The following ZNF729 variants were observed in gnomAD, a reference collection of about 807,000 sequenced individuals.
ZNF729 encodes the protein zinc finger protein 729.
Under a neutral mutation model 12.2 loss-of-function variants are expected in ZNF729, and 15 were observed. That is an observed-to-expected ratio of 1.23 (90% CI 0.82 to 1.89). The LOEUF (loss-of-function observed/expected upper bound fraction) is 1.89, where lower values mean the gene tolerates loss of function less well. Ranked by LOEUF, ZNF729 falls within the 40% of genes most tolerant of loss-of-function variation. The pLI, the probability that ZNF729 is intolerant of heterozygous loss-of-function variation, is 0.00. For synonymous variants in ZNF729, 492 were observed against 476.3 expected (o/e 1.03, Z -0.43); for missense variants, 1,540 against 1,456.7 (o/e 1.06, Z -0.93).
At chr19:22,286,608 G>A (rs974716573) in intron 1 of ZNF729, 53 bp downstream of exon 1, 9 of 1,610,860 alleles carry the variant, frequency 5.6e-6, no homozygotes, top group African/African-American at 1.3e-5. Flanking sequence ...GATTGGAACC[G>A]GTGGGAAGTG....
Position 22,315,592 on chromosome 19 carries a change from A to G in ZNF729, c.2175A>G (p.Ser725=), listed in dbSNP as rs201598539. Residue 725 remains serine (S), a synonymous_variant, in exon 4 of 4, where the codon TCA becomes TCG. Coordinates refer to ENST00000601693, the MANE Select transcript of ZNF729 (RefSeq NM_001242680.2). ...EECGKAFKWS[S]KLTVHKVIHT... ...GTGGTAAAGCTTTTAAGTGGTCATC[A>G]AAACTTACTGTACATAAGGTAATTC... 11,637 of 1,609,762 alleles carry G rather than the reference A, an allele frequency of 7.2e-3. 60 individuals carry two copies. Among genetic ancestry groups the G allele is most frequent in the Non-Finnish European group, 8.8e-3 (10,418 of 1,179,304 alleles).
At chr19:22,289,756 T>C (rs1194803773) in intron 1 of ZNF729, among the ~76,000 whole-genome samples, 3 of 152,206 alleles carry the variant, frequency 2.0e-5, no homozygotes, top group Non-Finnish European at 2.9e-5. Context: ...TCAGTTCCTC[T>C]TTTTGCAGGG....
At chr19:22,300,254 G>A (rs964428607) in intron 1 of ZNF729, among the ~76,000 whole-genome samples, 13 of 152,222 alleles carry the variant, frequency 8.5e-5, no homozygotes, top group African/African-American at 3.1e-4. Flanking sequence ...GATGAACTGT[G>A]TATGACATGG....
In ZNF729 at chr19:22,315,273, A is replaced by G. The variant is rs116023371; in HGVS notation, c.1856A>G (p.Lys619Arg). 6,083 of 1,613,058 alleles carry G rather than the reference A, an allele frequency of 3.8e-3. 200 individuals carry two copies. In the African/African-American group the frequency reaches 0.071, roughly 19 times the overall value. ...AATTCCTCAATCCTTGCTAAACATA[A>G]GATAATTCATACTGGGAAGAAACCG... is the stretch of plus-strand genomic sequence containing the variant. ...FNNSSILAKHKIIHTGKKPYK... is the reference protein window; with the variant it reads ...FNNSSILAKHRIIHTGKKPYK... The change falls in exon 4 of 4, where the codon AAG becomes AGG. Residue 619 changes from lysine (K) to arginine (R), a missense_variant. Transcript: ENST00000601693.
intron 3 of ZNF729, among the ~76,000 whole-genome samples, chr19:22,308,788 G>A (rs1968415467): frequency 6.6e-6 from 1 of 152,048 alleles, no homozygotes; most frequent in African/African-American, 2.4e-5. Flanking sequence ...CAGGTGTATA[G>A]ATTGTGAAGA....
In ZNF729 at chr19:22,306,396, C is replaced by T. The variant is rs918763646; in HGVS notation, c.253+1613C>T. Among the ~76,000 whole-genome samples, 47 of 150,316 alleles carry T rather than the reference C, an allele frequency of 3.1e-4. 1 individual carries two copies. The highest frequency in any genetic ancestry group is 8.6e-4 in the African/African-American group (35 of 40,928). On this transcript the variant is annotated intron_variant, in intron 3 of 3. Transcript: ENST00000601693. Reference sequence around the variant, plus strand: ...CAGGTTGTGGTGAGCTGAGATCATGCCACTGTGCACCAGCCTGGGCAACAG... The same window carrying T: ...CAGGTTGTGGTGAGCTGAGATCATGTCACTGTGCACCAGCCTGGGCAACAG...
intron 1 of ZNF729, among the ~76,000 whole-genome samples, chr19:22,291,512 C>A (rs1309362183): frequency 7.0e-6 from 1 of 142,680 alleles, no homozygotes; most frequent in Admixed American, 7.1e-5. Flanking sequence ...AAAGTGTCTA[C>A]AAGTCTCCTG....
At chr19:22,304,816 A>G (rs1267819213) in intron 3 of ZNF729, 33 bp downstream of exon 3, 7 of 1,603,124 alleles carry the variant, frequency 4.4e-6, no homozygotes, top group African/African-American at 2.7e-5. Flanking sequence ...GACAACACAG[A>G]TAAGAGGTCC....
At chr19:22,289,856 C>G (rs781711043) in intron 1 of ZNF729, among the ~76,000 whole-genome samples, 1 of 151,900 alleles carries the variant, frequency 6.6e-6, no homozygotes, top group Non-Finnish European at 1.5e-5. Flanking sequence ...AAACTTTGTA[C>G]CCTCTAGAAG....
chr19:22,298,606 T>G (rs112073457), intron 1 of ZNF729, among the ~76,000 whole-genome samples: 2,410 of 152,236 alleles, frequency 0.016, 78 homozygotes, highest in African/African-American at 0.055. Context: ...CTCCACCTCC[T>G]GGGCTCAGGT....
rs767101467 is a variant in ZNF729 at position 22,314,671 on chromosome 19, C to T, written c.1254C>T (p.Thr418=). The change falls in exon 4 of 4, where the codon ACC becomes ACT. Residue 418 remains threonine (T), a synonymous_variant. Transcript: ENST00000601693. ...GCAAAGCTTTTAGCCAGTTCTCAAC[C>T]CTTAAAAAACATAAGATAATTCATA... The part of the protein sequence containing the change: ...ECGKAFSQFS[T]LKKHKIIHTG... The T allele has an allele frequency of 7.4e-6, 12 of 1,611,664 alleles. No individual in the cohort carries two copies. In the African/African-American group the frequency reaches 9.4e-5, roughly 13 times the overall value.
chr19:22,291,128 T>G lies in ZNF729; in HGVS notation c.30+4573T>G, dbSNP rs376490435. Among the ~76,000 whole-genome samples the G allele has an allele frequency of 7.2e-5, 11 of 152,286 alleles. No individual in the cohort carries two copies. In the East Asian group the frequency reaches 1.5e-3, roughly 21 times the overall value. On this transcript the variant is annotated intron_variant, in intron 1 of 3. Coordinates refer to ENST00000601693, the MANE Select transcript of ZNF729 (RefSeq NM_001242680.2). ...CAAATGTTAGGCAATGAGTTGGTGTTGGAGAATTGCTTGGTGTTTACCAAG... is the reference window on the plus strand; with the variant it reads ...CAAATGTTAGGCAATGAGTTGGTGTGGGAGAATTGCTTGGTGTTTACCAAG...
In ZNF729 at chr19:22,316,093, G is replaced by T. The variant is rs754900740; in HGVS notation, c.2676G>T (p.Leu892Phe). 1.9e-6 allele frequency: 3 copies of T among 1,606,522 alleles called. No individual in the cohort carries two copies. The highest frequency in any genetic ancestry group is 1.7e-6 in the Non-Finnish European group (2 of 1,178,412). ...AATGTGGTAAAGCTTTTAAGTGGTT[G>T]TCAAAACTTACTGTACATAAGGTAA... ...CEECGKAFKWLSKLTVHKVIH... is the reference protein window; with the variant it reads ...CEECGKAFKWFSKLTVHKVIH... Residue 892 changes from leucine to phenylalanine, a missense_variant, in exon 4 of 4, where the codon TTG (leucine) becomes TTT (phenylalanine). Physicochemically the swap from Leu to Phe is conservative, Grantham distance 22. Transcript: ENST00000601693.
chr19:22,310,639 C>T (rs991280500), intron 3 of ZNF729, among the ~76,000 whole-genome samples: 3 of 152,052 alleles, frequency 2.0e-5, no homozygotes, highest in African/African-American at 7.2e-5. Flanking sequence ...TCATCAGGGA[C>T]ATCAGTCTGT....
chr19:22,305,753 A>G (rs766458273), intron 3 of ZNF729, among the ~76,000 whole-genome samples: 30 of 152,108 alleles, frequency 2.0e-4, no homozygotes, highest in Non-Finnish European at 4.3e-4. Context: ...AACATATTGC[A>G]TGCTTTTTTC....
chr19:22,312,440 T>TTGTGTG (rs138264785), intron 3 of ZNF729, among the ~76,000 whole-genome samples: 1,504 of 144,648 alleles, frequency 0.01, 20 homozygotes, highest in African/African-American at 0.027. Flanking sequence ...TTGTCTGAAA[T>TTGTGTG]TGTGTGTGTG....
At position 22,289,786 on chromosome 19, in the gene ZNF729, A is replaced by G. The variant is rs537648899; in HGVS notation, c.30+3231A>G. ...GCAGGGTAAATTTGTAACCGTGAATATCTCTATTCTATATCCTGTTATATT... is the reference window on the plus strand; with the variant it reads ...GCAGGGTAAATTTGTAACCGTGAATGTCTCTATTCTATATCCTGTTATATT... On this transcript the variant is annotated intron_variant, in intron 1 of 3. Coordinates refer to ENST00000601693, the MANE Select transcript of ZNF729 (RefSeq NM_001242680.2). 2.5e-3 allele frequency among the ~76,000 whole-genome samples: 378 copies of G among 152,294 alleles called. 1 individual carries two copies. Among genetic ancestry groups the G allele is most frequent in the African/African-American group, 8.6e-3 (357 of 41,560 alleles).
intron 1 of ZNF729, among the ~76,000 whole-genome samples, chr19:22,289,729 G>A (rs188645312): frequency 5.1e-4 from 77 of 152,232 alleles, no homozygotes; most frequent in African/African-American, 1.8e-3. Context: ...GGTGAGTTAT[G>A]TAGATTCATG....
At chr19:22,286,829 G>C (rs111442423) in intron 1 of ZNF729, among the ~76,000 whole-genome samples, 8,582 of 152,304 alleles carry the variant, frequency 0.056, 775 homozygotes, top group African/African-American at 0.2. Flanking sequence ...GCGTCTCTCC[G>C]AGATTGTGCA....
Sources: allele counts gnomAD v4.1 joint callset (sites outside exome capture counted in the v4.1 genomes callset), GRCh38; gene constraint gnomAD v4.1.1; transcripts MANE v1.5; gene names NCBI Gene and HGNC (gene_info 2026-07-23, HGNC 2026-07-21).